Variants in KANK1 observed in about 807,000 individuals in gnomAD.
The protein encoded by KANK1 is KN motif and ankyrin repeat domain-containing protein 1.
A neutral mutation model predicts 106.2 loss-of-function variants in KANK1; 109 were observed. That is an observed-to-expected ratio of 1.03 (90% CI 0.88 to 1.20). The LOEUF (loss-of-function observed/expected upper bound fraction) is 1.20, where lower values mean the gene tolerates loss of function less well. Among genes scored for constraint, KANK1 ranks in the 50% most tolerant of loss-of-function variants. KANK1 has a pLI of 0.00. For missense variants in KANK1, 2,399 were observed against 1,710.7 expected (o/e 1.40, Z -7.10); for synonymous variants, 873 against 652.2 (o/e 1.34, Z -5.16).
chr9:637,820 G>A (rs1230288718), intron 1 of KANK1, among the ~76,000 whole-genome samples: 1 of 152,130 alleles, frequency 6.6e-6, no homozygotes. Flanking sequence ...CTATTAGACT[G>A]GGACAGATGG....
intron 1 of KANK1, among the ~76,000 whole-genome samples, chr9:629,075 T>A (rs28484616): frequency 4.1e-5 from 3 of 73,202 alleles, no homozygotes; most frequent in African/African-American, 5.6e-5. Flanking sequence ...CACAACTGTT[T>A]CCAAAAAAAA....
At chr9:685,019 C>CT (rs1216633569) in intron 2 of KANK1, among the ~76,000 whole-genome samples, 1 of 152,130 alleles carries the variant, frequency 6.6e-6, no homozygotes, top group Non-Finnish European at 1.5e-5. Flanking sequence ...ATTCTAAGTT[C>CT]AAAAACCAAA....
At chr9:624,558 C>T (rs113127870) in intron 1 of KANK1, among the ~76,000 whole-genome samples, 5,657 of 152,164 alleles carry the variant, frequency 0.037, 352 homozygotes, top group African/African-American at 0.13. Flanking sequence ...AATCCCAGCA[C>T]TTTGAGAGGC....
At chr9:724,885 G>T (rs1830276298) in intron 3 of KANK1, among the ~76,000 whole-genome samples, 2 of 152,154 alleles carry the variant, frequency 1.3e-5, no homozygotes, top group African/African-American at 4.8e-5. Flanking sequence ...AAGTAATGAT[G>T]AATGGACTTG....
Position 642,452 on chromosome 9 carries a change from A to C in KANK1, c.-83-34438A>C, listed in dbSNP as rs777932737. Reference sequence around the variant, plus strand: ...AAACTAAAAACTACAAGAAGAGTAGAGCTTAGCTGGCAGGCCTGGTTTTGA... The same window carrying C: ...AAACTAAAAACTACAAGAAGAGTAGCGCTTAGCTGGCAGGCCTGGTTTTGA... On this transcript the variant is annotated intron_variant, in intron 1 of 11. Coordinates refer to ENST00000382297, the MANE Select transcript of KANK1 (RefSeq NM_015158.5). Among the ~76,000 whole-genome samples, 19 of 151,154 alleles carry C rather than the reference A, an allele frequency of 1.3e-4. 1 individual carries two copies. Among genetic ancestry groups the C allele is most frequent in the Non-Finnish European group, 2.1e-4 (14 of 68,026 alleles).
At chr9:566,108 C>CTAA (rs1817740614) in intron 1 of KANK1, among the ~76,000 whole-genome samples, 1 of 152,180 alleles carries the variant, frequency 6.6e-6, no homozygotes, top group Non-Finnish European at 1.5e-5. Flanking sequence ...TAAGTGACAA[C>CTAA]GTGTAGTATT....
chr9:563,832 C>T (rs1041061188), intron 1 of KANK1, among the ~76,000 whole-genome samples: 5 of 152,156 alleles, frequency 3.3e-5, no homozygotes, highest in Non-Finnish European at 7.3e-5. Context: ...GTGACTGTGT[C>T]ACTAGAAAGT....
intron 1 of KANK1, among the ~76,000 whole-genome samples, chr9:524,239 A>ACCCTT (rs2059679910): frequency 6.6e-6 from 1 of 151,390 alleles, no homozygotes; most frequent in Non-Finnish European, 1.5e-5. Flanking sequence ...AAGTAATACA[A>ACCCTT]CCCTTCCCTT....
intron 1 of KANK1, among the ~76,000 whole-genome samples, chr9:573,828 C>G (rs931122096): frequency 7.2e-5 from 11 of 151,938 alleles, no homozygotes; most frequent in African/African-American, 2.7e-4. Flanking sequence ...GTCAGTTTTC[C>G]TACATTTACA....
intron 1 of KANK1, among the ~76,000 whole-genome samples, chr9:647,263 CATT>C (rs1255083547): frequency 3.2e-5 from 4 of 123,220 alleles, no homozygotes; most frequent in Non-Finnish European, 6.2e-5. Context: ...TTTCTGTTCT[CATT>C]AATTTTCTAA....
chr9:539,206 A>T (rs1000291534), intron 1 of KANK1, among the ~76,000 whole-genome samples: 5 of 152,158 alleles, frequency 3.3e-5, no homozygotes, highest in Admixed American at 3.3e-4. Context: ...TTTAAATGTC[A>T]TGCATGTTTT....
intron 1 of KANK1, among the ~76,000 whole-genome samples, chr9:608,182 C>T (rs1358413447): frequency 6.0e-5 from 9 of 149,292 alleles, no homozygotes; most frequent in Admixed American, 2.6e-4. Context: ...GGACTACAGG[C>T]GCCCGCCACC....
At chr9:500,998 C>A (rs1419113820), upstream of KANK1, among the ~76,000 whole-genome samples, 2 of 152,078 alleles carry the variant, frequency 1.3e-5, no homozygotes, top group Non-Finnish European at 2.9e-5. Context: ...TCCTCCAAAG[C>A]TATACTGAGA....
At chr9:626,545 C>T (rs1834392417) in intron 1 of KANK1, among the ~76,000 whole-genome samples, 1 of 152,176 alleles carries the variant, frequency 6.6e-6, no homozygotes, top group Admixed American at 6.5e-5. Flanking sequence ...TTGTAATTTT[C>T]ACTTAGGAGG....
rs1836970497 is a variant in KANK1, at chr9:745,551, T to A, written c.*316T>A. The A allele has an allele frequency of 4.7e-6, 1 of 210,596 alleles. No individual in the cohort carries two copies. Among genetic ancestry groups the A allele is most frequent in the African/African-American group, 2.3e-5 (1 of 43,646 alleles). The allele number at this position is 210,596 out of a possible 1,614,324, so 13.0% of individuals were successfully genotyped here. On this transcript the variant is annotated 3_prime_UTR_variant, in exon 12 of 12. Transcript: ENST00000382297. Reference sequence around the variant, plus strand: ...CCTTCTGTTCACTCCCACAAAGTGGTGTCTGGTTCTCACTGAGACGTTTTA... The same window carrying A: ...CCTTCTGTTCACTCCCACAAAGTGGAGTCTGGTTCTCACTGAGACGTTTTA...
At chr9:672,538 A>C (rs937526425) in intron 1 of KANK1, among the ~76,000 whole-genome samples, 2 of 152,198 alleles carry the variant, frequency 1.3e-5, no homozygotes, top group Non-Finnish European at 2.9e-5. Context: ...AGCTGCCATC[A>C]ACATTACCAT....
At chr9:723,610 G>A (rs903414851) in intron 3 of KANK1, among the ~76,000 whole-genome samples, 10 of 152,032 alleles carry the variant, frequency 6.6e-5, no homozygotes, top group African/African-American at 1.9e-4. Flanking sequence ...CTGGGTGACA[G>A]TGTGAGACCC....
chr9:546,577 C>T (rs1240170686), intron 1 of KANK1, among the ~76,000 whole-genome samples: 2 of 152,058 alleles, frequency 1.3e-5, no homozygotes, highest in Non-Finnish European at 2.9e-5. Context: ...GCCTCTCCTA[C>T]CTCTCTACCA....
intron 1 of KANK1, among the ~76,000 whole-genome samples, chr9:550,789 C>T (rs2061232450): frequency 1.3e-5 from 2 of 152,272 alleles, no homozygotes; most frequent in Admixed American, 6.5e-5. Context: ...GGCATCTTTT[C>T]TTCCTAACAA....
Sources: allele counts gnomAD v4.1 joint callset (sites outside exome capture counted in the v4.1 genomes callset), GRCh38; gene constraint gnomAD v4.1.1; transcripts MANE v1.5; gene names NCBI Gene and HGNC (gene_info 2026-07-23, HGNC 2026-07-21).